TASOR2: variants seen among roughly 807,000 people sequenced by gnomAD.
TASOR2 encodes the protein transcription activation suppressor family member 2, also known as protein TASOR 2.
In TASOR2, 84 loss-of-function variants were observed where a neutral mutation model predicts 199.5. That is an observed-to-expected ratio of 0.42 (90% confidence interval 0.35 to 0.50). The LOEUF (loss-of-function observed/expected upper bound fraction) is 0.50. TASOR2 is among the 20% of genes least tolerant of loss of function. TASOR2 has a pLI of 0.02. For missense variants in TASOR2, 2,796 were observed against 2,835.9 expected, an observed-to-expected ratio of 0.99 and a Z score of 0.32; for synonymous variants, 1,103 against 1,046.6, an observed-to-expected ratio of 1.05 and a Z score of -1.04.
At position 5,720,722 on chromosome 10, in the gene TASOR2, T is replaced by TAAACA; in HGVS notation, c.27-32_27-28dup. ...ACTGAATTTGTTCCTTTTACTCTTG[T>TAAACA]AAACATGTTCTTTTTCTTTCTTTTT... is the stretch of plus-strand genomic sequence containing the variant. On this transcript the variant is annotated intron_variant, in intron 4 of 20. Transcript: ENST00000328090. This position sits in a 1 kb window ranked among gnomAD's most constrained non-coding sequence, Gnocchi z 5.3. 5.0e-6 allele frequency: 8 copies of TAAACA among 1,613,948 alleles called. No individual in the cohort carries two copies. Among genetic ancestry groups the TAAACA allele is most frequent in the Non-Finnish European group, 5.9e-6 (7 of 1,179,938 alleles).
At chr10:5,723,194 T>C (rs1241891176) in intron 6 of TASOR2, among the ~76,000 whole-genome samples, 2 of 151,312 alleles carry the variant, frequency 1.3e-5, no homozygotes, top group East Asian at 2.0e-4. Context: ...TGGGTGGGAC[T>C]ACAGGCGCCC....
At chr10:5,739,466 A>G (rs975940369) in intron 12 of TASOR2, 152 bp from the exon 14 acceptor site, 1 of 690,940 alleles carries the variant, frequency 1.4e-6, no homozygotes, top group Non-Finnish European at 2.3e-6. Context: ...TGAGGGTTGG[A>G]AGAGACCTTA....
chr10:5,719,095 G>A lies in TASOR2; in HGVS notation c.-100+1345G>A, dbSNP rs1409038874. 2.0e-5 allele frequency among the ~76,000 whole-genome samples: 3 copies of A among 152,096 alleles called. No homozygotes were observed. The highest frequency in any genetic ancestry group is 4.8e-5 in the African/African-American group (2 of 41,414). On this transcript the variant is annotated intron_variant, in intron 3 of 20. Transcript: ENST00000328090. This position sits in a 1 kb window ranked among gnomAD's most constrained non-coding sequence, Gnocchi z 4.1. ...ACTATTTACATTTTTTGGCTTGGTG[G>A]TTTGGCCTTTGGTGGGTCTGTAAAT...
intron 6 of TASOR2, among the ~76,000 whole-genome samples, chr10:5,723,043 C>CTT (rs1183983010): frequency 0.19 from 13,976 of 72,850 alleles, 4,035 homozygotes; most frequent in East Asian, 0.49. Context: ...CAGGAAATAA[C>CTT]TTTTTTTTTT....
intron 1 of TASOR2, chr10:5,712,334 C>G (rs1832029224): frequency 1.7e-6 from 2 of 1,168,652 alleles, no homozygotes; most frequent in Non-Finnish European, 2.1e-6. Context: ...CAGTGTGTCT[C>G]CCTTAACCCC....
Position 5,729,545 on chromosome 10 carries a change from C to T in TASOR2, c.488-942C>T, listed in dbSNP as rs563813239. Among the ~76,000 whole-genome samples the T allele has an allele frequency of 1.1e-3, 171 of 152,274 alleles. 1 individual carries two copies. The highest frequency in any genetic ancestry group is 3.8e-3 in the African/African-American group (159 of 41,558). On this transcript the variant is annotated intron_variant, in intron 10 of 20. Transcript: ENST00000328090. ...ACAAATCCCATGTCTACAAAAAATA[C>T]AAAAATTTTTATTTTGATATCTGGC...
chr10:5,710,644 C>A lies in TASOR2; in HGVS notation c.-287-2179C>A, dbSNP rs992018375. Among the ~76,000 whole-genome samples the A allele has an allele frequency of 2.6e-5, 4 of 151,976 alleles. No homozygotes were observed. The East Asian group carries it at 7.7e-4, about 29-fold the overall frequency. ...GCATTATGATGCTCAAAAATGAGGA[C>A]GTATGTAACTTAAATCTGTGCCTAC... On this transcript the variant is annotated intron_variant, in intron 1 of 20. Transcript: ENST00000328090. The surrounding 1 kb of genome is among the most constrained non-coding windows in gnomAD (Gnocchi z 4.6).
intron 1 of TASOR2, among the ~76,000 whole-genome samples, chr10:5,693,669 C>G (rs897909551): frequency 6.6e-6 from 1 of 152,234 alleles, no homozygotes; most frequent in African/African-American, 2.4e-5. Flanking sequence ...CTATAACTGG[C>G]TGCTACTTAG....
At chr10:5,694,658 C>T (rs952291840) in intron 1 of TASOR2, among the ~76,000 whole-genome samples, 3 of 152,126 alleles carry the variant, frequency 2.0e-5, no homozygotes, top group Non-Finnish European at 4.4e-5. Flanking sequence ...TCTTTGGGGG[C>T]ATCTTAATTT....
chr10:5,747,420 A>C, exon 15 of TASOR2: 1 of 1,614,190 alleles, frequency 6.2e-7, no homozygotes, highest in Non-Finnish European at 8.5e-7. Context: ...CTCTCACAGA[A>C]AGCAGAGAAG....
In TASOR2 at chr10:5,705,951, G is replaced by C. The variant is rs560348587; in HGVS notation, c.-287-6872G>C. 2.0e-5 allele frequency among the ~76,000 whole-genome samples: 3 copies of C among 152,164 alleles called. No homozygotes were observed. The East Asian group carries it at 5.8e-4, about 29-fold the overall frequency. On this transcript the variant is annotated intron_variant, in intron 1 of 20. Coordinates refer to ENST00000328090, the Ensembl canonical transcript of TASOR2. The stretch of plus-strand genomic sequence containing the variant: ...AAAACTTTATGTACCCCATAGTCAA[G>C]TACATTTTTTCCTATGATTTTTTAA...
intron 11 of TASOR2, among the ~76,000 whole-genome samples, chr10:5,734,793 C>T (rs1365173802): frequency 1.4e-5 from 2 of 144,460 alleles, no homozygotes; most frequent in Non-Finnish European, 3.0e-5. Flanking sequence ...GTGGTGTGGG[C>T]TCCAGTTATC....
intron 16 of TASOR2, 48 bp downstream of exon 17, chr10:5,756,786 T>A: frequency 1.3e-6 from 2 of 1,590,236 alleles, no homozygotes; most frequent in Non-Finnish European, 1.7e-6. Context: ...GCACATAAGT[T>A]GTTCTGTAAT....
At position 5,740,128 on chromosome 10, in the gene TASOR2, A is replaced by T. The variant is rs780282852; in HGVS notation, c.1958A>T (p.Glu653Val). 1 of 1,614,170 alleles carries T rather than the reference A, an allele frequency of 6.2e-7. No homozygotes were observed. The highest frequency in any genetic ancestry group is 1.1e-5 in the South Asian group (1 of 91,076). ...AGCCAAAGCTCTTCTGTTTCTGTGG[A>T]ACATTCATATGCCCTGCTCCTTACA... is the stretch of plus-strand genomic sequence containing the variant. Residue 653 changes from glutamate to valine, a missense_variant, in exon 13 of 21, where the codon GAA becomes GTA. By Grantham distance (121) the Glu-to-Val change is moderately radical (BLOSUM62 -2). This residue lies in a region of TASOR2 where 847 missense variants were observed against 887.4 expected (regional missense o/e 0.95). Coordinates refer to ENST00000328090, the Ensembl canonical transcript of TASOR2. The surrounding 1 kb of genome is among the most constrained non-coding windows in gnomAD (Gnocchi z 5.3).
rs1178634190 is a variant in TASOR2 at position 5,685,154 on chromosome 10, G to C, written c.-309G>C. 2 of 398,072 alleles carry C rather than the reference G, an allele frequency of 5.0e-6. No individual in the cohort carries two copies. Among genetic ancestry groups the C allele is most frequent in the Admixed American group, 4.4e-5 (1 of 22,704 alleles). 24.7% of individuals were successfully genotyped at this position (398,072 alleles called of 1,614,324 possible). A position where few individuals can be genotyped will look rare whatever the true frequency, so the allele number is the denominator to read the frequency against. On this transcript the variant is annotated 5_prime_UTR_variant, in exon 1 of 21. Transcript: ENST00000328090. The surrounding 1 kb of genome is among the most constrained non-coding windows in gnomAD (Gnocchi z 5.4). The stretch of plus-strand genomic sequence containing the variant: ...GAGCCGGGATCTCAGGTCCTCGGGG[G>C]CGGCGGCCACGCCAAGGACGGGTAA...
At position 5,720,667 on chromosome 10, in the gene TASOR2, A is replaced by G. The variant is rs776158394; in HGVS notation, c.25A>G (p.Ile9Val). 1 of 1,614,134 alleles carries G rather than the reference A, an allele frequency of 6.2e-7. No individual in the cohort carries two copies. The highest frequency in any genetic ancestry group is 8.5e-7 in the Non-Finnish European group (1 of 1,180,008). Reference sequence around the variant, plus strand: ...TATGGCACCACCAGCTCATAAAAGCATGTAAGTAATTATGTGCATGCTTTG... The same window carrying G: ...TATGGCACCACCAGCTCATAAAAGCGTGTAAGTAATTATGTGCATGCTTTG... The change falls in exon 4 of 21, where the codon ATA (isoleucine) becomes GTA (valine). Residue 9 changes from isoleucine to valine, a missense_variant and splice_region_variant. Physicochemically the swap from Ile to Val is conservative, Grantham distance 29 (BLOSUM62 3). Coordinates refer to ENST00000328090, the Ensembl canonical transcript of TASOR2. The surrounding 1 kb of genome is among the most constrained non-coding windows in gnomAD (Gnocchi z 5.3).
At chr10:5,712,397 T>G in intron 1 of TASOR2, 1 of 1,231,568 alleles carries the variant, frequency 8.1e-7, no homozygotes, top group Non-Finnish European at 1.0e-6. Context: ...TTTACAGTTT[T>G]TGAGACAGTG....
Position 5,734,677 on chromosome 10 carries a change from C to T in TASOR2, c.1205-627C>T, listed in dbSNP as rs1343664450. Among the ~76,000 whole-genome samples the T allele has an allele frequency of 6.9e-5, 10 of 144,220 alleles. No homozygotes were observed. In the South Asian group the frequency reaches 2.2e-3, roughly 32 times the overall value. The allele number at this position is 144,220 out of a possible 152,430, so 94.6% of individuals were successfully genotyped here. A position where few individuals can be genotyped will look rare whatever the true frequency, so the allele number is the denominator to read the frequency against. ...TCCTGGGGCTGTGATCTAGCATATT[C>T]AGTCTTACCTGTCACATTAGTCAGG... On this transcript the variant is annotated intron_variant, in intron 11 of 20. Coordinates refer to ENST00000328090, the Ensembl canonical transcript of TASOR2.
chr10:5,708,951 C>G (rs1831565633), intron 1 of TASOR2, among the ~76,000 whole-genome samples: 2 of 152,132 alleles, frequency 1.3e-5, no homozygotes, highest in African/African-American at 4.8e-5. Flanking sequence ...ATCTGCCTGC[C>G]TTAGCTTCCC....
Sources: gnomAD v4.1 joint callset for allele counts (sites outside exome capture counted in the v4.1 genomes callset) on GRCh38, gnomAD v4.1.1 for gene constraint, gnomAD v4.1.1 regional missense constraint, Gnocchi (gnomAD v3.1) non-coding constraint, MANE v1.5 for transcripts, NCBI Gene and HGNC (gene_info 2026-07-23, HGNC 2026-07-21) for gene names.